KCNIP4: variants seen among roughly 807,000 people sequenced by gnomAD.
KCNIP4 encodes Kv channel-interacting protein 4.
Under a neutral mutation model 34.0 loss-of-function variants are expected in KCNIP4, and 12 were observed. That is an observed-to-expected ratio of 0.35 (90% CI 0.23 to 0.57). The LOEUF (loss-of-function observed/expected upper bound fraction) is 0.57. Among genes scored for constraint, KCNIP4 ranks in the 20% least tolerant of loss-of-function variants. The probability of loss-of-function intolerance (pLI) is 0.83; values close to 1 mark genes in which losing one functional copy is unlikely to be tolerated. For synonymous variants in KCNIP4, 124 were observed against 102.2 expected (o/e 1.21, Z -1.29); for missense variants, 238 against 311.7 (o/e 0.76, Z 1.78).
chr4:21,751,309 T>C (rs948394284), intron 1 of KCNIP4, among the ~76,000 whole-genome samples: 3 of 152,130 alleles, frequency 2.0e-5, no homozygotes, highest in African/African-American at 2.4e-5. Context: ...CTTGAGACAA[T>C]TGAGGCAATG....
intron 1 of KCNIP4, among the ~76,000 whole-genome samples, chr4:21,027,430 G>A (rs1328077581): frequency 2.6e-5 from 4 of 151,896 alleles, no homozygotes; most frequent in Non-Finnish European, 5.9e-5. Context: ...TTAGATACGG[G>A]GCTGAGGGAA....
intron 1 of KCNIP4, among the ~76,000 whole-genome samples, chr4:21,182,418 C>T (rs547311784): frequency 4.6e-5 from 7 of 151,808 alleles, no homozygotes; most frequent in African/African-American, 1.2e-4. Flanking sequence ...CTTTTCCCTC[C>T]CCCTGTCCTT....
At chr4:21,584,244 A>G (rs1056291695) in intron 1 of KCNIP4, among the ~76,000 whole-genome samples, 2 of 152,022 alleles carry the variant, frequency 1.3e-5, no homozygotes, top group African/African-American at 4.8e-5. Flanking sequence ...GGTTGCTTAC[A>G]TTTTTAAACA....
intron 1 of KCNIP4, among the ~76,000 whole-genome samples, chr4:21,860,181 T>C (rs1724990889): frequency 6.6e-6 from 1 of 152,232 alleles, no homozygotes; most frequent in Non-Finnish European, 1.5e-5. Flanking sequence ...TCGCCCAGGC[T>C]GGAGTGCAGT....
At chr4:21,300,676 C>A (rs1161394859) in intron 1 of KCNIP4, among the ~76,000 whole-genome samples, 1 of 152,068 alleles carries the variant, frequency 6.6e-6, no homozygotes, top group Non-Finnish European at 1.5e-5. Context: ...TTTCTCTATT[C>A]TCTTGAAATA....
intron 3 of KCNIP4, among the ~76,000 whole-genome samples, chr4:20,843,476 T>A (rs1719993753): frequency 6.6e-6 from 1 of 152,174 alleles, no homozygotes; most frequent in Non-Finnish European, 1.5e-5. Flanking sequence ...ATGCTTGTAA[T>A]CCCAGCACTT....
At chr4:20,810,675 C>T (rs1560482547) in intron 3 of KCNIP4, among the ~76,000 whole-genome samples, 1 of 152,046 alleles carries the variant, frequency 6.6e-6, no homozygotes, top group African/African-American at 2.4e-5. Flanking sequence ...CCAAGATGAA[C>T]AGAAAGAGTT....
intron 1 of KCNIP4, among the ~76,000 whole-genome samples, chr4:21,603,238 G>GTAAA (rs1416007077): frequency 2.6e-5 from 4 of 152,044 alleles, no homozygotes; most frequent in Admixed American, 2.0e-4. Flanking sequence ...ATCCTCTTCT[G>GTAAA]TGTCTGTAAA....
At chr4:21,193,070 T>C (rs1282189749) in intron 1 of KCNIP4, among the ~76,000 whole-genome samples, 6 of 151,186 alleles carry the variant, frequency 4.0e-5, no homozygotes, top group African/African-American at 7.3e-5. Flanking sequence ...GAGCAGTGAT[T>C]GCACCACTGC....
chr4:21,746,640 T>C (rs1420401386), intron 1 of KCNIP4, among the ~76,000 whole-genome samples: 1 of 151,946 alleles, frequency 6.6e-6, no homozygotes, highest in Non-Finnish European at 1.5e-5. Flanking sequence ...TCTAGGAAGA[T>C]ATCTTTACTA....
intron 1 of KCNIP4, among the ~76,000 whole-genome samples, chr4:21,021,739 C>G (rs938590030): frequency 6.6e-6 from 1 of 152,082 alleles, no homozygotes; most frequent in East Asian, 1.9e-4. Context: ...TCTATGATGA[C>G]AATGCCTTCT....
chr4:21,271,235 C>T (rs900584559), intron 1 of KCNIP4, among the ~76,000 whole-genome samples: 1 of 152,146 alleles, frequency 6.6e-6, no homozygotes, highest in African/African-American at 2.4e-5. Context: ...AGGTCATTAA[C>T]CAAACCAAAG....
At position 21,038,054 on chromosome 4, in the gene KCNIP4, T is replaced by C. The variant is rs553095137; in HGVS notation, c.62-155345A>G. 3.1e-4 allele frequency among the ~76,000 whole-genome samples: 47 copies of C among 152,294 alleles called. 3 individuals are homozygous for C. In the South Asian group the frequency reaches 9.1e-3, roughly 30 times the overall value. Reference sequence around the variant, plus strand: ...GCTGGAGTGCAGTGGAGCAGCTCACTGCAACCTCTACCTCCCTTGTTCAAG... The same window carrying C: ...GCTGGAGTGCAGTGGAGCAGCTCACCGCAACCTCTACCTCCCTTGTTCAAG... On this transcript the variant is annotated intron_variant, in intron 1 of 8. Coordinates refer to ENST00000382152, the MANE Select transcript of KCNIP4 (RefSeq NM_025221.6).
intron 1 of KCNIP4, among the ~76,000 whole-genome samples, chr4:21,269,249 G>C (rs1326147560): frequency 6.6e-6 from 1 of 152,166 alleles, no homozygotes; most frequent in East Asian, 1.9e-4. Flanking sequence ...AAGATGTATT[G>C]AGACAAAGTA....
At chr4:21,375,886 T>G (rs898341359) in intron 1 of KCNIP4, among the ~76,000 whole-genome samples, 1 of 152,148 alleles carries the variant, frequency 6.6e-6, no homozygotes, top group Non-Finnish European at 1.5e-5. Context: ...TTACCCTTTT[T>G]GATACAGTTG....
intron 1 of KCNIP4, among the ~76,000 whole-genome samples, chr4:21,562,690 A>G (rs2109035472): frequency 6.6e-6 from 1 of 152,154 alleles, no homozygotes; most frequent in African/African-American, 2.4e-5. Context: ...TATTTTCTAG[A>G]AGGCCAACAA....
At chr4:21,587,712 C>A (rs1741746736) in intron 1 of KCNIP4, among the ~76,000 whole-genome samples, 1 of 151,990 alleles carries the variant, frequency 6.6e-6, no homozygotes, top group Non-Finnish European at 1.5e-5. Flanking sequence ...TAGGAATGAC[C>A]AAGAGAACCA....
intron 2 of KCNIP4, chr4:20,850,896 C>T: frequency 2.6e-6 from 1 of 389,152 alleles, no homozygotes; most frequent in Non-Finnish European, 4.6e-6. Flanking sequence ...GTAGATATTA[C>T]AACCCTAGCA....
At chr4:21,247,629 TTAGA>T (rs1331689831) in intron 1 of KCNIP4, among the ~76,000 whole-genome samples, 1 of 141,218 alleles carries the variant, frequency 7.1e-6, no homozygotes, top group African/African-American at 2.6e-5. Context: ...ATCTATATAT[TTAGA>T]TATATCTATA....
Sources: gnomAD v4.1 joint callset for allele counts (sites outside exome capture counted in the v4.1 genomes callset) on GRCh38, gnomAD v4.1.1 for gene constraint, MANE v1.5 for transcripts, NCBI Gene and HGNC (gene_info 2026-07-23, HGNC 2026-07-21) for gene names.